DNAH5: variants seen among roughly 807,000 people sequenced by gnomAD.
DNAH5 encodes the protein dynein axonemal heavy chain 5.
DNAH5 carries 372 observed loss-of-function variants against 518.2 expected under a neutral mutation model. The observed-to-expected ratio is 0.72, with a 90% CI of 0.66 to 0.78. The LOEUF is 0.78. Ranked by LOEUF, DNAH5 falls within the 30% of genes least tolerant of loss-of-function variation. DNAH5 has a pLI of 0.00. For synonymous variants in DNAH5, 2,039 were observed against 2,025.9 expected, an observed-to-expected ratio of 1.01 and a Z score of -0.17; for missense variants, 5,523 against 5,687.0, an observed-to-expected ratio of 0.97 and a Z score of 0.93.
Position 13,690,841 on chromosome 5 carries a change from A to G in DNAH5, c.*1143T>C, listed in dbSNP as rs1021202395. 1.3e-5 allele frequency: 2 copies of G among 152,108 alleles called. No homozygotes were observed. The highest frequency in any genetic ancestry group is 2.9e-5 in the Non-Finnish European group (2 of 68,010). 9.4% of individuals were successfully genotyped at this position (152,108 alleles called of 1,614,324 possible). ...TCCCTACGCACCGTCTAATATTTCT[A>G]CCCTTTTTTTATTTTTTCTCCTGAT... On this transcript the variant is annotated 3_prime_UTR_variant, in exon 79 of 79. Coordinates refer to ENST00000265104, the MANE Select transcript of DNAH5 (RefSeq NM_001369.3).
At chr5:13,820,247 T>C in intron 41 of DNAH5, 99 bp downstream of exon 41, 1 of 1,219,382 alleles carries the variant, frequency 8.2e-7, no homozygotes, top group Non-Finnish European at 1.2e-6. Flanking sequence ...CCTATAAAAA[T>C]ATATTATTGT....
At chr5:13,713,846 T>A (rs1373809645) in intron 75 of DNAH5, among the ~76,000 whole-genome samples, 2 of 151,606 alleles carry the variant, frequency 1.3e-5, no homozygotes, top group African/African-American at 2.4e-5. Context: ...GAAAAAAAAC[T>A]TTTGAAAATT....
At chr5:13,702,819 T>G (rs1337674916) in intron 76 of DNAH5, among the ~76,000 whole-genome samples, 1 of 152,096 alleles carries the variant, frequency 6.6e-6, no homozygotes, top group African/African-American at 2.4e-5. Flanking sequence ...ACTCACTGCC[T>G]TGTAATCTGC....
chr5:13,694,000 T>C (rs1741034009), intron 78 of DNAH5, among the ~76,000 whole-genome samples: 1 of 152,232 alleles, frequency 6.6e-6, no homozygotes, highest in South Asian at 2.1e-4. Flanking sequence ...TACTCACTGA[T>C]ATAGTTAAAT....
intron 29 of DNAH5, among the ~76,000 whole-genome samples, chr5:13,861,808 T>G (rs1768454981): frequency 6.6e-6 from 1 of 151,816 alleles, no homozygotes; most frequent in Admixed American, 6.6e-5. Flanking sequence ...AATACAAAAA[T>G]TAGCCAGGCG....
At position 13,770,739 on chromosome 5, in the gene DNAH5, T is replaced by C. The variant is rs1478276846; in HGVS notation, c.9605+10A>G. 1 of 1,611,108 alleles carries C rather than the reference T, an allele frequency of 6.2e-7. No individual in the cohort carries two copies. The highest frequency in any genetic ancestry group is 2.2e-5 in the East Asian group (1 of 44,826). ...TTTAATATAGCTTTGTATAAGAACA[T>C]CACACTTACCTGTTGGCCAGGGTCC... On this transcript the variant is annotated intron_variant, in intron 56 of 78. Transcript: ENST00000265104.
chr5:13,821,311 T>C (rs1306290131), intron 40 of DNAH5, among the ~76,000 whole-genome samples: 2 of 152,252 alleles, frequency 1.3e-5, no homozygotes, highest in East Asian at 1.9e-4. Flanking sequence ...GAAAAATGGA[T>C]AGCATACTAT....
chr5:13,774,458 G>A (rs772043268), intron 55 of DNAH5, among the ~76,000 whole-genome samples: 8 of 152,086 alleles, frequency 5.3e-5, no homozygotes, highest in Non-Finnish European at 7.4e-5. Flanking sequence ...TTCAAGCCAG[G>A]AGACAGACTA....
chr5:13,895,515 G>C (rs1173565737), intron 15 of DNAH5, among the ~76,000 whole-genome samples: 1 of 152,074 alleles, frequency 6.6e-6, no homozygotes, highest in East Asian at 1.9e-4. Context: ...TGCTCCTCTG[G>C]GGACCTCTTG....
chr5:13,777,398 A>G (rs1406131878), intron 53 of DNAH5, 43 bp from the exon 54 acceptor site: 1 of 1,584,650 alleles, frequency 6.3e-7, no homozygotes, highest in Non-Finnish European at 8.6e-7. Flanking sequence ...AAATATTTTC[A>G]TGAGAGGGAA....
At chr5:13,808,896 C>A (rs1760115358) in intron 46 of DNAH5, 148 bp downstream of exon 46, 3 of 844,326 alleles carry the variant, frequency 3.6e-6, no homozygotes, top group East Asian at 3.2e-5. Flanking sequence ...GGAGGTGGAG[C>A]CTGCAGTGAG....
rs777962194 is a variant in DNAH5 at position 13,814,684 on chromosome 5, T to C, written c.7151A>G (p.Asn2384Ser). The change falls in exon 43 of 79, where the codon AAT becomes AGT. Residue 2384 changes from asparagine to serine, a missense_variant. Transcript: ENST00000265104. ...KIIFEPHNID[N>S]ASPATVSRNG... ...TCTTGAGACGGTGGCAGGAGAAGCA[T>C]TGTCAATGTTATGAGGCTCGAAAAT... 1.1e-5 allele frequency: 17 copies of C among 1,613,978 alleles called. No homozygotes were observed. The highest frequency in any genetic ancestry group is 1.4e-5 in the Non-Finnish European group (16 of 1,179,984).
chr5:13,913,769 G>A lies in DNAH5; in HGVS notation c.1510C>T (p.Leu504=). The change falls in exon 11 of 79, where the codon CTG becomes TTG. Residue 504 remains leucine, a synonymous_variant. Coordinates refer to ENST00000265104, the MANE Select transcript of DNAH5 (RefSeq NM_001369.3). ...SVLQDSTIEG[L]EDMATKYQGI... Reference sequence around the variant, plus strand: ...TGGTATTTAGTGGCCATGTCTTCCAGCCCTTCAATTGTGGAATCTTGCAGG... The same window carrying A: ...TGGTATTTAGTGGCCATGTCTTCCAACCCTTCAATTGTGGAATCTTGCAGG... 1 of 1,613,474 alleles carries A rather than the reference G, an allele frequency of 6.2e-7. No individual in the cohort carries two copies. Among genetic ancestry groups the A allele is most frequent in the Non-Finnish European group, 8.5e-7 (1 of 1,179,480 alleles).
At chr5:13,972,954 A>G (rs1403405338) in intron 1 of DNAH5, among the ~76,000 whole-genome samples, 1 of 152,150 alleles carries the variant, frequency 6.6e-6, no homozygotes, top group Non-Finnish European at 1.5e-5. Flanking sequence ...AAAAATAAAT[A>G]AATGTTTTTC....
chr5:13,781,658 C>T (rs373208869), intron 52 of DNAH5, among the ~76,000 whole-genome samples: 3 of 151,972 alleles, frequency 2.0e-5, no homozygotes, highest in East Asian at 1.9e-4. Context: ...GTCTTGCCGC[C>T]GCCATGTAAG....
At chr5:13,788,984 T>C in intron 50 of DNAH5, 70 bp from the exon 51 acceptor site, 1 of 1,357,422 alleles carries the variant, frequency 7.4e-7, no homozygotes, top group Admixed American at 1.7e-5. Context: ...AGGTTGACAG[T>C]ACTGTAGAGT....
chr5:13,859,181 C>T (rs1768033135), intron 30 of DNAH5, among the ~76,000 whole-genome samples: 1 of 152,134 alleles, frequency 6.6e-6, no homozygotes, highest in Admixed American at 6.5e-5. Flanking sequence ...AGAAGCATAT[C>T]AATTATGCGA....
chr5:13,836,572 G>C (rs1764427384), intron 35 of DNAH5, among the ~76,000 whole-genome samples: 2 of 152,190 alleles, frequency 1.3e-5, no homozygotes, highest in African/African-American at 4.8e-5. Flanking sequence ...AGAAAGACGA[G>C]ATCCAGGAAA....
intron 1 of DNAH5, among the ~76,000 whole-genome samples, chr5:13,931,834 A>G (rs1370280137): frequency 6.6e-6 from 1 of 152,206 alleles, no homozygotes; most frequent in Non-Finnish European, 1.5e-5. Context: ...ACATATGCAC[A>G]CACCTATATT....
Sources: gnomAD v4.1 joint callset for allele counts (sites outside exome capture counted in the v4.1 genomes callset) on GRCh38, gnomAD v4.1.1 for gene constraint, MANE v1.5 for transcripts, NCBI Gene and HGNC (gene_info 2026-07-23, HGNC 2026-07-21) for gene names.